PARP1: variants seen among roughly 807,000 people sequenced by gnomAD.
PARP1 encodes poly [ADP-ribose] polymerase 1.
Under a neutral mutation model 118.7 loss-of-function variants are expected in PARP1, and 44 were observed. That is an observed-to-expected ratio of 0.37 (90% CI 0.29 to 0.48). The LOEUF is 0.48. PARP1 is among the 20% of genes least tolerant of loss of function. The probability of loss-of-function intolerance (pLI) is 0.99; values close to 1 mark genes in which losing one functional copy is unlikely to be tolerated. For missense variants in PARP1, 1,100 were observed against 1,272.4 expected (o/e 0.86, Z 2.06); for synonymous variants, 492 against 483.2 (o/e 1.02, Z -0.24).
At chr1:226,391,269 C>A (rs1228642810) in intron 3 of PARP1, among the ~76,000 whole-genome samples, 1 of 152,012 alleles carries the variant, frequency 6.6e-6, no homozygotes, top group African/African-American at 2.4e-5. Flanking sequence ...CTAGCAGGGA[C>A]TTTCTGTCCA....
Position 226,381,136 on chromosome 1 carries a change from A to G in PARP1, c.1232T>C (p.Met411Thr). 1 of 1,614,130 alleles carries G rather than the reference A, an allele frequency of 6.2e-7. No homozygotes were observed. Among genetic ancestry groups the G allele is most frequent in the Middle Eastern group, 1.6e-4 (1 of 6,062 alleles). Reference sequence around the variant, plus strand: ...CAACTTCCCCCCGAGTTTCTCAATCATGGCCTTCACTTCATCCTTGTTCCG... The same window carrying G: ...CAACTTCCCCCCGAGTTTCTCAATCGTGGCCTTCACTTCATCCTTGTTCCG... ...LSRNKDEVKA[M>T]IEKLGGKLTG... Residue 411 changes from methionine (M) to threonine (T), a missense_variant, in exon 9 of 23, where the codon ATG becomes ACG. This residue lies in a region of PARP1 where 948 missense variants were observed against 1,031.8 expected (regional missense o/e 0.92). Transcript: ENST00000366794.
At chr1:226,363,187 G>A (rs1430316041) in intron 20 of PARP1, 27 bp from the exon 21 acceptor site, 3 of 1,553,484 alleles carry the variant, frequency 1.9e-6, no homozygotes. Flanking sequence ...AGTCTCAGAA[G>A]AGGCCTTCAC....
chr1:226,374,612 C>T (rs1664454576), intron 13 of PARP1, among the ~76,000 whole-genome samples: 3 of 152,202 alleles, frequency 2.0e-5, no homozygotes, highest in Admixed American at 6.5e-5. Flanking sequence ...GCCACTGCAG[C>T]GTCTGCATGG....
At chr1:226,406,699 T>C (rs544424643) in intron 1 of PARP1, among the ~76,000 whole-genome samples, 41 of 152,258 alleles carry the variant, frequency 2.7e-4, no homozygotes, top group Non-Finnish European at 4.9e-4. Flanking sequence ...ACTTAAAAAA[T>C]GCCTACCAAA....
At chr1:226,383,615 C>T (rs928322888) in intron 7 of PARP1, among the ~76,000 whole-genome samples, 6 of 152,178 alleles carry the variant, frequency 3.9e-5, no homozygotes, top group African/African-American at 1.4e-4. Flanking sequence ...ACTATATACA[C>T]ACTGGGAGAT....
rs562336579 is a variant in PARP1, at chr1:226,361,397, G to A, written c.*63C>T. ...CAACTTAGCGGCCAGGTGAGTTGGT[G>A]CAGAAGCGCTTCGGGTGAATTCATA... On this transcript the variant is annotated 3_prime_UTR_variant, in exon 23 of 23. Transcript: ENST00000366794. 5 of 1,073,570 alleles carry A rather than the reference G, an allele frequency of 4.7e-6. No homozygotes were observed. In the African/African-American group the frequency reaches 4.7e-5, roughly 10 times the overall value. 66.5% of individuals were successfully genotyped at this position (1,073,570 alleles called of 1,614,324 possible).
At chr1:226,396,001 T>C (rs1447829667) in intron 2 of PARP1, among the ~76,000 whole-genome samples, 2 of 152,168 alleles carry the variant, frequency 1.3e-5, no homozygotes, top group Non-Finnish European at 2.9e-5. Flanking sequence ...GATGGTAATG[T>C]TTGCCTAACA....
At position 226,374,218 on chromosome 1, in the gene PARP1, G is replaced by T. The variant is rs544180743; in HGVS notation, c.2070+8C>A. ...ATGCTCACAGATAAAATGATAAAGC[G>T]CAATAACCTCATACTCCACCATGGC... On this transcript the variant is annotated splice_region_variant and intron_variant, in intron 14 of 22. Transcript: ENST00000366794. 6.2e-7 allele frequency: 1 copy of T among 1,613,400 alleles called. No homozygotes were observed. Among genetic ancestry groups the T allele is most frequent in the African/African-American group, 1.3e-5 (1 of 75,016 alleles).
chr1:226,378,950 C>T (rs762254109), intron 12 of PARP1, among the ~76,000 whole-genome samples, 192 bp downstream of exon 12: 57 of 152,210 alleles, frequency 3.7e-4, no homozygotes, highest in Admixed American at 5.9e-4. Context: ...AGGACAGCAA[C>T]GCTACTGGTT....
Position 226,383,198 on chromosome 1 carries a change from G to C in PARP1, c.1012-15C>G. ...TCTCGGAATTCCTAAAAAATATTAA[G>C]TTTTAGTTAAGAAGCCAGCTCTCCC... is the stretch of plus-strand genomic sequence containing the variant. On this transcript the variant is annotated splice_polypyrimidine_tract_variant and intron_variant, in intron 7 of 22. Coordinates refer to ENST00000366794, the MANE Select transcript of PARP1 (RefSeq NM_001618.4). 6.2e-7 allele frequency: 1 copy of C among 1,610,894 alleles called. No individual in the cohort carries two copies. Among genetic ancestry groups the C allele is most frequent in the Non-Finnish European group, 8.5e-7 (1 of 1,177,862 alleles).
intron 4 of PARP1, 59 bp downstream of exon 4, chr1:226,390,351 T>TG: frequency 6.8e-7 from 1 of 1,469,056 alleles, no homozygotes; most frequent in Non-Finnish European, 9.5e-7. Context: ...GTAGGGCCTT[T>TG]GGGCCTCCCT....
At chr1:226,403,111 CA>C (rs1483247039) in intron 1 of PARP1, among the ~76,000 whole-genome samples, 3 of 152,238 alleles carry the variant, frequency 2.0e-5, no homozygotes, top group African/African-American at 2.4e-5. Flanking sequence ...ACAGGGAACA[CA>C]GTTCCCCTCT....
intron 1 of PARP1, among the ~76,000 whole-genome samples, chr1:226,404,153 A>G (rs1189429992): frequency 9.0e-6 from 1 of 111,474 alleles, no homozygotes; most frequent in Non-Finnish European, 1.8e-5. Context: ...ATAAGGGCCT[A>G]TCTTGCTATT....
rs757712451 is a variant in PARP1, at chr1:226,390,590, G to T, written c.437C>A (p.Pro146Gln). Residue 146 changes from proline to glutamine, a missense_variant, in exon 4 of 23, where the codon CCG (proline) becomes CAG (glutamine). By Grantham distance (76) the Pro-to-Gln change is moderately conservative. Coordinates refer to ENST00000366794, the MANE Select transcript of PARP1 (RefSeq NM_001618.4). ...AATCATGCCTAGCTGTGGCTTCTCC[G>T]GGTCCACCATCTTCTTGGACAGGCG... is the stretch of plus-strand genomic sequence containing the variant. ...QVRLSKKMVD[P>Q]EKPQLGMIDR... The T allele has an allele frequency of 6.2e-7, 1 of 1,613,924 alleles. No homozygotes were observed. The highest frequency in any genetic ancestry group is 8.5e-7 in the Non-Finnish European group (1 of 1,180,012).
chr1:226,378,253 T>C (rs2102734269), intron 12 of PARP1, among the ~76,000 whole-genome samples: 1 of 152,140 alleles, frequency 6.6e-6, no homozygotes, highest in South Asian at 2.1e-4. Flanking sequence ...ACATAAATGC[T>C]ATTTTGTGGT....
At chr1:226,386,469 G>A (rs1664720143) in intron 5 of PARP1, 27 bp from the exon 6 acceptor site, 2 of 1,403,580 alleles carry the variant, frequency 1.4e-6, no homozygotes, top group African/African-American at 1.4e-5. Context: ...GTGGCTGAGA[G>A]GCTAGCTCTT....
At chr1:226,400,572 G>T (rs1421991023) in intron 2 of PARP1, among the ~76,000 whole-genome samples, 1 of 152,220 alleles carries the variant, frequency 6.6e-6, no homozygotes, top group East Asian at 1.9e-4. Context: ...CACTGCCTCA[G>T]GGTAAGGGCC....
intron 19 of PARP1, 138 bp downstream of exon 19, chr1:226,364,864 A>T: frequency 1.1e-6 from 1 of 942,820 alleles, no homozygotes; most frequent in Non-Finnish European, 1.7e-6. Context: ...TAGGGTCAGG[A>T]GGATAAAAGG....
chr1:226,386,896 T>C (rs907241357), intron 5 of PARP1, among the ~76,000 whole-genome samples: 26 of 152,242 alleles, frequency 1.7e-4, no homozygotes, highest in Admixed American at 1.7e-3. Flanking sequence ...TTCAGTATCA[T>C]GCAGGAATGT....
Sources: allele counts gnomAD v4.1 joint callset (sites outside exome capture counted in the v4.1 genomes callset), GRCh38; gene constraint gnomAD v4.1.1; regional missense constraint gnomAD v4.1.1; transcripts MANE v1.5; gene names NCBI Gene and HGNC (gene_info 2026-07-23, HGNC 2026-07-21).